KAZN: variants seen among roughly 807,000 people sequenced by gnomAD.
The protein encoded by KAZN is kazrin, periplakin interacting protein.
KAZN carries 40 observed loss-of-function variants against 87.4 expected under a neutral mutation model. The observed-to-expected ratio is 0.46, with a 90% CI of 0.36 to 0.60. The LOEUF (loss-of-function observed/expected upper bound fraction) is 0.60, where lower values mean the gene tolerates loss of function less well. Among genes scored for constraint, KAZN ranks in the 20% least tolerant of loss-of-function variants. KAZN has a pLI of 0.00. For missense variants in KAZN, 898 were observed against 1,073.9 expected (o/e 0.84, Z 2.29); for synonymous variants, 466 against 458.3 (o/e 1.02, Z -0.22).
intron 1 of KAZN, chr1:14,945,852 G>A (rs1661709479): frequency 1.0e-6 from 1 of 985,370 alleles, no homozygotes. Flanking sequence ...GAAGACTTGG[G>A]CAGCCTGAGC....
chr1:14,310,724 C>T (rs1460725082), intron 2 of KAZN, among the ~76,000 whole-genome samples: 4 of 152,318 alleles, frequency 2.6e-5, no homozygotes, highest in African/African-American at 7.2e-5. Context: ...AGAGGCTCTG[C>T]GAACACATCT....
intron 1 of KAZN, among the ~76,000 whole-genome samples, chr1:14,801,325 G>C (rs138539822): frequency 1.1e-3 from 160 of 152,290 alleles, no homozygotes; most frequent in Non-Finnish European, 2.0e-3. Context: ...GTGCCGTTAT[G>C]ACTGGCTGAC....
chr1:14,801,878 G>GT (rs1646041258), intron 1 of KAZN, among the ~76,000 whole-genome samples: 1 of 151,722 alleles, frequency 6.6e-6, no homozygotes, highest in Non-Finnish European at 1.5e-5. Context: ...TACAGACGGG[G>GT]TTTCACCATG....
At chr1:14,129,755 G>A (rs896745577) in intron 1 of KAZN, among the ~76,000 whole-genome samples, 1 of 152,192 alleles carries the variant, frequency 6.6e-6, no homozygotes, top group Non-Finnish European at 1.5e-5. Context: ...AGGGGATGTG[G>A]GAGAGAGAGA....
At chr1:14,756,343 C>G (rs193229154) in intron 1 of KAZN, among the ~76,000 whole-genome samples, 1 of 152,184 alleles carries the variant, frequency 6.6e-6, no homozygotes, top group Admixed American at 6.5e-5. Context: ...AAGCACGCCC[C>G]GGCAAGAGGT....
intron 2 of KAZN, among the ~76,000 whole-genome samples, chr1:14,566,601 A>C (rs578163418): frequency 6.6e-6 from 1 of 152,370 alleles, no homozygotes; most frequent in Non-Finnish European, 1.5e-5. Flanking sequence ...TTTCCAATAT[A>C]AAGCTATTTC....
chr1:14,220,564 G>A (rs2100497114), intron 2 of KAZN, among the ~76,000 whole-genome samples: 1 of 152,266 alleles, frequency 6.6e-6, no homozygotes, highest in Middle Eastern at 3.4e-3. Flanking sequence ...TTAATTGGCA[G>A]GGTCTACCCT....
At chr1:15,101,819 C>G in intron 11 of KAZN, 45 bp downstream of exon 11, 1 of 1,320,418 alleles carries the variant, frequency 7.6e-7, no homozygotes, top group African/African-American at 1.5e-5. Flanking sequence ...ACTGCCCACC[C>G]CTCCCCTCTT....
At chr1:14,913,358 T>C (rs1004465292) in intron 1 of KAZN, among the ~76,000 whole-genome samples, 6 of 152,230 alleles carry the variant, frequency 3.9e-5, no homozygotes, top group African/African-American at 7.2e-5. Flanking sequence ...AAACACATTT[T>C]TGCTTGTTTG....
intron 2 of KAZN, among the ~76,000 whole-genome samples, chr1:14,190,460 T>C (rs904931322): frequency 2.6e-5 from 4 of 152,134 alleles, no homozygotes; most frequent in Non-Finnish European, 5.9e-5. Flanking sequence ...CTGTGCTAGT[T>C]TGATTGCAAA....
At chr1:14,072,550 A>G (rs1643288683) in intron 1 of KAZN, among the ~76,000 whole-genome samples, 1 of 152,194 alleles carries the variant, frequency 6.6e-6, no homozygotes, top group African/African-American at 2.4e-5. Context: ...GTTGTAATGC[A>G]TATCAAATGT....
chr1:14,612,505 C>T (rs968896252), intron 1 of KAZN, among the ~76,000 whole-genome samples: 25 of 152,262 alleles, frequency 1.6e-4, no homozygotes, highest in African/African-American at 5.5e-4. Context: ...AGGGAATGAG[C>T]GAGGCCTGAT....
In KAZN at chr1:14,518,442, G is replaced by A. The variant is rs141638874; in HGVS notation, c.250-80541G>A. Among the ~76,000 whole-genome samples the A allele has an allele frequency of 3.9e-3, 589 of 152,224 alleles. 3 individuals carry two copies. The highest frequency in any genetic ancestry group is 0.014 in the African/African-American group (564 of 41,538). On this transcript the variant is annotated intron_variant, in intron 2 of 16. Coordinates refer to the KAZN transcript ENST00000636203. The stretch of plus-strand genomic sequence containing the variant: ...TCCGCCCGCCTCAGCCTCCCAAAGT[G>A]TTGGGATTATAGACATGAGCCACTG...
rs2101983174 is a variant in KAZN at position 14,996,334 on chromosome 1, C to T, written c.418+35459C>T. On this transcript the variant is annotated intron_variant, in intron 2 of 14. Transcript: ENST00000376030. This position sits in a 1 kb window ranked among gnomAD's most constrained non-coding sequence, Gnocchi z 5.9. ...CTTCTGTTCCCTCAGTCCCTTCTCC[C>T]TGGGTCCTGACACTGGATTTTAACA... 1.3e-5 allele frequency among the ~76,000 whole-genome samples: 2 copies of T among 152,244 alleles called. No individual in the cohort carries two copies. The highest frequency in any genetic ancestry group is 4.2e-4 in the South Asian group (2 of 4,814).
intron 1 of KAZN, among the ~76,000 whole-genome samples, chr1:14,744,595 G>C (rs142838298): frequency 6.2e-4 from 94 of 152,158 alleles, no homozygotes; most frequent in African/African-American, 2.2e-3. Context: ...AATTAGCCAG[G>C]TATGGTGGCA....
intron 1 of KAZN, among the ~76,000 whole-genome samples, chr1:14,907,739 T>G (rs1261353023): frequency 6.6e-6 from 1 of 151,636 alleles, no homozygotes; most frequent in Admixed American, 6.6e-5. Context: ...GTGGACAGAG[T>G]AAGGAAAGTC....
At chr1:14,155,520 A>C (rs1645573703) in intron 1 of KAZN, among the ~76,000 whole-genome samples, 1 of 151,302 alleles carries the variant, frequency 6.6e-6, no homozygotes, top group African/African-American at 2.4e-5. Flanking sequence ...TCTTTATTTC[A>C]ATTTCATTTA....
intron 1 of KAZN, among the ~76,000 whole-genome samples, chr1:14,699,852 T>C (rs918062715): frequency 2.6e-5 from 4 of 152,184 alleles, no homozygotes; most frequent in Non-Finnish European, 5.9e-5. Context: ...GATGTCATGC[T>C]GATATCATGG....
At chr1:14,104,328 A>C (rs1257447181) in intron 1 of KAZN, among the ~76,000 whole-genome samples, 1 of 152,226 alleles carries the variant, frequency 6.6e-6, no homozygotes, top group Non-Finnish European at 1.5e-5. Flanking sequence ...AAGCAGTGCA[A>C]ATAGCTTCTT....
Sources: allele counts gnomAD v4.1 joint callset (sites outside exome capture counted in the v4.1 genomes callset), GRCh38; gene constraint gnomAD v4.1.1; non-coding constraint Gnocchi (gnomAD v3.1); transcripts MANE v1.5; gene names NCBI Gene and HGNC (gene_info 2026-07-23, HGNC 2026-07-21).